DPP6: variants seen among roughly 807,000 people sequenced by gnomAD.
DPP6 encodes dipeptidyl peptidase like 6.
A neutral mutation model predicts 122.6 loss-of-function variants in DPP6; 69 were observed. That is an observed-to-expected ratio of 0.56 (90% CI 0.46 to 0.69). DPP6 has a LOEUF of 0.69. Ranked by LOEUF, DPP6 falls within the 30% of genes least tolerant of loss-of-function variation. The probability of loss-of-function intolerance (pLI) is 0.00; values close to 1 mark genes in which losing one functional copy is unlikely to be tolerated. For missense variants in DPP6, 928 were observed against 1,116.9 expected, an observed-to-expected ratio of 0.83 and a Z score of 2.41; for synonymous variants, 418 against 433.1, an observed-to-expected ratio of 0.97 and a Z score of 0.43.
chr7:154,817,212 A>G (rs1208642983), intron 16 of DPP6, among the ~76,000 whole-genome samples: 1 of 152,226 alleles, frequency 6.6e-6, no homozygotes, highest in African/African-American at 2.4e-5. Flanking sequence ...GATGAAAAAC[A>G]GGAATCAGCC....
chr7:154,132,799 C>T (rs1795356239), intron 1 of DPP6, among the ~76,000 whole-genome samples: 1 of 152,076 alleles, frequency 6.6e-6, no homozygotes, highest in Admixed American at 6.5e-5. Flanking sequence ...CACGTGAAAC[C>T]ACATGGCACA....
At chr7:154,148,611 C>A (rs865980602) in intron 1 of DPP6, among the ~76,000 whole-genome samples, 884 of 149,230 alleles carry the variant, frequency 5.9e-3, no homozygotes, top group African/African-American at 0.021. Flanking sequence ...GGCATGGCCA[C>A]GTCTGTCACG....
At chr7:154,686,458 A>G (rs1839610985) in intron 7 of DPP6, among the ~76,000 whole-genome samples, 1 of 150,774 alleles carries the variant, frequency 6.6e-6, no homozygotes, top group Admixed American at 6.6e-5. Context: ...ATGTCTCCCG[A>G]TACAGCATCT....
At chr7:154,852,238 A>T (rs1057334696) in intron 16 of DPP6, among the ~76,000 whole-genome samples, 1 of 152,114 alleles carries the variant, frequency 6.6e-6, no homozygotes, top group Non-Finnish European at 1.5e-5. Context: ...CCGCAGGAAT[A>T]CTGAACTCCA....
intron 1 of DPP6, among the ~76,000 whole-genome samples, chr7:154,160,153 C>A (rs150863904): frequency 2.3e-4 from 35 of 151,490 alleles, no homozygotes; most frequent in Non-Finnish European, 5.9e-5. Context: ...AGACATAGAG[C>A]GGTTAATTGG....
chr7:154,530,150 A>G (rs1334967726), intron 3 of DPP6, among the ~76,000 whole-genome samples: 1 of 152,080 alleles, frequency 6.6e-6, no homozygotes, highest in Non-Finnish European at 1.5e-5. Flanking sequence ...AGAAAAAGAA[A>G]AAAAAGAAGG....
intron 2 of DPP6, among the ~76,000 whole-genome samples, chr7:154,448,212 A>G (rs1820052835): frequency 6.6e-6 from 1 of 152,222 alleles, no homozygotes; most frequent in Admixed American, 6.5e-5. Flanking sequence ...CTATTATAAT[A>G]ATAAATGAGT....
At chr7:153,884,993 T>C (rs199848080), upstream of DPP6, among the ~76,000 whole-genome samples, 39,044 of 129,368 alleles carry the variant, frequency 0.3, 6,576 homozygotes, top group Middle Eastern at 0.37. Context: ...CAAAAATATA[T>C]ATATATATAT....
intron 1 of DPP6, among the ~76,000 whole-genome samples, chr7:154,037,348 C>T (rs571082890): frequency 1.3e-5 from 2 of 151,986 alleles, no homozygotes; most frequent in Admixed American, 6.5e-5. Flanking sequence ...TAGACATTTC[C>T]CAGGACCTCA....
chr7:154,548,141 G>A (rs1829347000), intron 4 of DPP6, among the ~76,000 whole-genome samples: 2 of 152,034 alleles, frequency 1.3e-5, no homozygotes, highest in African/African-American at 4.8e-5. Context: ...CCGGGGAGGT[G>A]GAGGCTGCAG....
At chr7:154,815,398 C>T (rs763270655) in intron 16 of DPP6, among the ~76,000 whole-genome samples, 13 of 152,210 alleles carry the variant, frequency 8.5e-5, no homozygotes, top group Admixed American at 4.6e-4. Flanking sequence ...TAAATTCAAC[C>T]GCCAGAGCCA....
chr7:154,636,318 G>T (rs548909460), intron 5 of DPP6, among the ~76,000 whole-genome samples: 2 of 152,306 alleles, frequency 1.3e-5, no homozygotes, highest in Admixed American at 6.5e-5. Context: ...GTGCAGCATG[G>T]GGTCCTTTAA....
At chr7:154,791,267 T>A (rs1217718047) in intron 10 of DPP6, among the ~76,000 whole-genome samples, 1 of 150,514 alleles carries the variant, frequency 6.6e-6, no homozygotes, top group Non-Finnish European at 1.5e-5. Flanking sequence ...AAAATAAAAA[T>A]AAAAATAAAT....
intron 6 of DPP6, among the ~76,000 whole-genome samples, chr7:154,664,594 T>C (rs1052856668): frequency 1.3e-4 from 20 of 152,000 alleles, no homozygotes; most frequent in African/African-American, 4.8e-4. Context: ...CTTTATTTAC[T>C]AATTTATTTG....
At chr7:154,291,742 C>T (rs983732914) in intron 1 of DPP6, among the ~76,000 whole-genome samples, 12 of 152,194 alleles carry the variant, frequency 7.9e-5, no homozygotes, top group Non-Finnish European at 1.5e-4. Flanking sequence ...CCACAAACCC[C>T]GGTCCAATTG....
At chr7:154,561,177 C>T (rs1379648175) in intron 4 of DPP6, among the ~76,000 whole-genome samples, 2 of 152,160 alleles carry the variant, frequency 1.3e-5, no homozygotes, top group African/African-American at 4.8e-5. Flanking sequence ...ACAATCCTCT[C>T]TGAGTAATTG....
intron 5 of DPP6, chr7:154,587,789 G>C: frequency 6.2e-7 from 1 of 1,611,452 alleles, no homozygotes; most frequent in Admixed American, 1.7e-5. Context: ...CCTCTTCACT[G>C]CCTGCGTGAC....
At chr7:154,058,477 G>C (rs1483681072) in intron 1 of DPP6, 2 of 123,624 alleles carry the variant, frequency 1.6e-5, no homozygotes, top group Non-Finnish European at 3.4e-5. Flanking sequence ...CCCCATCGTA[G>C]GGGGGGGGAG....
intron 1 of DPP6, among the ~76,000 whole-genome samples, chr7:154,021,658 A>G (rs1459928475): frequency 6.6e-6 from 1 of 152,170 alleles, no homozygotes; most frequent in Non-Finnish European, 1.5e-5. Flanking sequence ...CTTCCAGTGT[A>G]TTAAGAAGAC....
Sources: gnomAD v4.1 joint callset for allele counts (sites outside exome capture counted in the v4.1 genomes callset) on GRCh38, gnomAD v4.1.1 for gene constraint, MANE v1.5 for transcripts, NCBI Gene and HGNC (gene_info 2026-07-23, HGNC 2026-07-21) for gene names.